ENOX1: variants seen among roughly 807,000 people sequenced by gnomAD.
The protein encoded by ENOX1 is candidate growth-related and time keeping constitutive hydroquinone (NADH) oxidase.
ENOX1 carries 42 observed loss-of-function variants against 82.5 expected under a neutral mutation model. That is an observed-to-expected ratio of 0.51 (90% CI 0.40 to 0.66). The LOEUF (loss-of-function observed/expected upper bound fraction) is 0.66. ENOX1 is among the 30% of genes least tolerant of loss of function. ENOX1 has a pLI of 0.00. For synonymous variants in ENOX1, 271 were observed against 282.2 expected (o/e 0.96, Z 0.40); for missense variants, 608 against 811.6 (o/e 0.75, Z 3.05).
intron 2 of ENOX1, among the ~76,000 whole-genome samples, chr13:43,510,201 T>C (rs2077315894): frequency 6.6e-6 from 1 of 152,090 alleles, no homozygotes; most frequent in Non-Finnish European, 1.5e-5. Context: ...TCAATCCATG[T>C]GAGATTTTAC....
chr13:43,532,982 T>A (rs1432505998), intron 2 of ENOX1, among the ~76,000 whole-genome samples: 2 of 152,016 alleles, frequency 1.3e-5, no homozygotes, highest in East Asian at 3.8e-4. Context: ...CCCCAAATAA[T>A]TTTTACGAGT....
intron 2 of ENOX1, among the ~76,000 whole-genome samples, chr13:43,574,969 C>T (rs139223055): frequency 2.0e-4 from 31 of 152,112 alleles, no homozygotes; most frequent in African/African-American, 5.1e-4. Context: ...AAAAGCAGTG[C>T]GCCTGGGGAG....
chr13:43,480,354 C>T (rs1178150791), intron 3 of ENOX1, among the ~76,000 whole-genome samples: 2 of 152,164 alleles, frequency 1.3e-5, no homozygotes, highest in Non-Finnish European at 2.9e-5. Context: ...TTCAATGTTC[C>T]TTCAACCTAT....
chr13:43,306,777 T>C (rs1289308342), intron 11 of ENOX1, among the ~76,000 whole-genome samples: 2 of 152,174 alleles, frequency 1.3e-5, no homozygotes, highest in African/African-American at 4.8e-5. Context: ...CAAGAAACTT[T>C]CCCCTTAAGA....
At position 43,449,853 on chromosome 13, in the gene ENOX1, G is replaced by A. The variant is rs545879606; in HGVS notation, c.-75+34156C>T. ...AGGGAAGCTGCTTGGTAACACACTA[G>A]CTGCTCCCTGGCAGCAGTTATTTCT... On this transcript the variant is annotated intron_variant, in intron 3 of 16. Coordinates refer to ENST00000690772, the MANE Select transcript of ENOX1 (RefSeq NM_001347969.2). Among the ~76,000 whole-genome samples, 46 of 152,274 alleles carry A rather than the reference G, an allele frequency of 3.0e-4. 1 individual carries two copies. Among genetic ancestry groups the A allele is most frequent in the Admixed American group, 2.7e-3 (41 of 15,288 alleles).
At chr13:43,315,084 C>T (rs527394502) in intron 11 of ENOX1, among the ~76,000 whole-genome samples, 3 of 152,236 alleles carry the variant, frequency 2.0e-5, no homozygotes, top group East Asian at 3.9e-4. Context: ...AAAAAATACA[C>T]GGAAAAATAC....
intron 15 of ENOX1, among the ~76,000 whole-genome samples, chr13:43,228,510 A>C (rs1018584995): frequency 2.0e-5 from 3 of 152,264 alleles, no homozygotes; most frequent in Non-Finnish European, 4.4e-5. Context: ...AAGAGTAACT[A>C]GCTCTAGAGG....
intron 2 of ENOX1, among the ~76,000 whole-genome samples, chr13:43,549,197 T>A (rs1255432910): frequency 6.6e-6 from 1 of 152,234 alleles, no homozygotes; most frequent in Non-Finnish European, 1.5e-5. Context: ...AGTTCTTCTC[T>A]CTCAGAGTGT....
chr13:43,255,355 G>C (rs983872202), intron 14 of ENOX1, among the ~76,000 whole-genome samples: 1 of 151,990 alleles, frequency 6.6e-6, no homozygotes, highest in Admixed American at 6.6e-5. Flanking sequence ...GGGAAAAACG[G>C]AATGTTTTTC....
chr13:43,746,427 G>A (rs1950023741), intron 1 of ENOX1, among the ~76,000 whole-genome samples: 1 of 152,048 alleles, frequency 6.6e-6, no homozygotes, highest in Non-Finnish European at 1.5e-5. Flanking sequence ...AAATTTAAGA[G>A]GAGCTTTGAA....
intron 13 of ENOX1, among the ~76,000 whole-genome samples, chr13:43,266,003 G>A (rs1462728830): frequency 6.6e-6 from 1 of 152,186 alleles, no homozygotes; most frequent in East Asian, 1.9e-4. Context: ...CTCCTTGGCC[G>A]CTGAGGCATT....
intron 2 of ENOX1, among the ~76,000 whole-genome samples, chr13:43,487,374 T>C (rs2076464997): frequency 6.6e-6 from 1 of 152,130 alleles, no homozygotes; most frequent in South Asian, 2.1e-4. Flanking sequence ...TGATTAGGCA[T>C]TTACAGAAAT....
chr13:43,655,459 A>G (rs9594986), intron 2 of ENOX1, among the ~76,000 whole-genome samples: 45,572 of 151,852 alleles, frequency 0.3, 8,320 homozygotes, highest in South Asian at 0.41. Context: ...CTTCTCTATC[A>G]GTCCTGTCAT....
At position 43,749,739 on chromosome 13, in the gene ENOX1, C is replaced by T. The variant is rs533938075; in HGVS notation, c.-285+36913G>A. Among the ~76,000 whole-genome samples the T allele has an allele frequency of 2.0e-5, 3 of 152,320 alleles. No homozygotes were observed. The South Asian group carries it at 6.2e-4, about 32-fold the overall frequency. On this transcript the variant is annotated intron_variant, in intron 1 of 16. Coordinates refer to ENST00000690772, the MANE Select transcript of ENOX1 (RefSeq NM_001347969.2). ...ACAATAACAAGCACTTCACTCCTCT[C>T]CATCTTTTAAGGTAGTTGAGTAATT...
At chr13:43,732,093 T>C (rs990771480) in intron 1 of ENOX1, among the ~76,000 whole-genome samples, 5 of 152,226 alleles carry the variant, frequency 3.3e-5, no homozygotes, top group Non-Finnish European at 7.3e-5. Flanking sequence ...TTTGAGAAGC[T>C]TGTAACACTA....
At chr13:43,246,872 C>G (rs115405640) in intron 14 of ENOX1, among the ~76,000 whole-genome samples, 123 of 152,156 alleles carry the variant, frequency 8.1e-4, no homozygotes, top group South Asian at 1.2e-3. Flanking sequence ...GATAGAGAAG[C>G]CATTCGGAAG....
In ENOX1 at chr13:43,779,761, C is replaced by T. The variant is rs553633588; in HGVS notation, c.-285+6891G>A. ...GGTCTGTGTCTTCTGCCCTGCTCTC[C>T]ATACCAACCTCCATGCACAGTCCAC... On this transcript the variant is annotated intron_variant, in intron 1 of 16. Transcript: ENST00000690772. Among the ~76,000 whole-genome samples, 48 of 152,320 alleles carry T rather than the reference C, an allele frequency of 3.2e-4. No homozygotes were observed. The South Asian group carries it at 9.1e-3, about 29-fold the overall frequency.
intron 12 of ENOX1, among the ~76,000 whole-genome samples, chr13:43,290,727 A>T (rs2045954341): frequency 6.6e-6 from 1 of 152,194 alleles, no homozygotes; most frequent in South Asian, 2.1e-4. Flanking sequence ...TACCCTCTGT[A>T]TCTAAAATAG....
chr13:43,223,945 C>T, intron 16 of ENOX1, 108 bp downstream of exon 16: 1 of 776,664 alleles, frequency 1.3e-6, no homozygotes, highest in Non-Finnish European at 2.2e-6. Flanking sequence ...CTGATCAACC[C>T]CCATAGGCTG....
Sources: gnomAD v4.1 joint callset for allele counts (sites outside exome capture counted in the v4.1 genomes callset) on GRCh38, gnomAD v4.1.1 for gene constraint, MANE v1.5 for transcripts, NCBI Gene and HGNC (gene_info 2026-07-23, HGNC 2026-07-21) for gene names.